The following DNAJC15 variants were observed in gnomAD, a reference collection of about 807,000 sequenced individuals.
The protein encoded by DNAJC15 is dnaJ homolog subfamily C member 15.
Under a neutral mutation model 22.4 loss-of-function variants are expected in DNAJC15, and 27 were observed. The ratio of observed to expected loss-of-function variants is 1.20; its 90% CI spans 0.89 to 1.66. The LOEUF is 1.66. DNAJC15 is among the 40% of genes most tolerant of loss of function. The probability of loss-of-function intolerance (pLI) is 0.00; values close to 1 mark genes in which losing one functional copy is unlikely to be tolerated. For missense variants in DNAJC15, 208 were observed against 187.1 expected (o/e 1.11, Z -0.65); for synonymous variants, 79 against 63.2 (o/e 1.25, Z -1.19).
intron 1 of DNAJC15, among the ~76,000 whole-genome samples, chr13:43,061,955 G>C (rs1324583592): frequency 1.3e-5 from 2 of 152,168 alleles, no homozygotes; most frequent in African/African-American, 4.8e-5. Context: ...ATAGACCCTT[G>C]GGCCAACTTT....
chr13:43,108,730 C>T lies in DNAJC15; in HGVS notation c.*1482C>T, dbSNP rs1028342365. On this transcript the variant is annotated 3_prime_UTR_variant, in exon 6 of 6. Transcript: ENST00000379221. ...AGTCGTTTCTCATCAGTTGTGACAA[C>T]AAAAATGGTTCCAGATATTGCCAAA... 5 of 152,110 alleles carry T rather than the reference C, an allele frequency of 3.3e-5. No individual in the cohort carries two copies. In the East Asian group the frequency reaches 9.6e-4, roughly 29 times the overall value. 9.4% of individuals were successfully genotyped at this position (152,110 alleles called of 1,614,324 possible).
intron 3 of DNAJC15, among the ~76,000 whole-genome samples, chr13:43,074,281 A>G (rs534163550): frequency 2.3e-4 from 35 of 152,332 alleles, no homozygotes; most frequent in African/African-American, 7.5e-4. Context: ...AGGAGACACA[A>G]AATAATCTAA....
intron 2 of DNAJC15, 77 bp from the exon 3 acceptor site, chr13:43,068,853 T>C: frequency 8.5e-7 from 1 of 1,176,942 alleles, no homozygotes; most frequent in Non-Finnish European, 1.2e-6. Flanking sequence ...CAATAAATAC[T>C]GTTGCAAGCA....
chr13:43,086,345 AATT>A (rs2040688376), intron 5 of DNAJC15, among the ~76,000 whole-genome samples: 2 of 152,324 alleles, frequency 1.3e-5, no homozygotes, highest in Admixed American at 1.3e-4. Flanking sequence ...ACAGAAAGAC[AATT>A]ATTATAACTT....
At chr13:43,033,526 A>G (rs2040413436) in intron 1 of DNAJC15, among the ~76,000 whole-genome samples, 1 of 152,184 alleles carries the variant, frequency 6.6e-6, no homozygotes. Flanking sequence ...GATCCCAACC[A>G]GGTACCACAT....
At chr13:43,092,781 G>T (rs1307397971) in intron 5 of DNAJC15, among the ~76,000 whole-genome samples, 1 of 152,136 alleles carries the variant, frequency 6.6e-6, no homozygotes, top group South Asian at 2.1e-4. Context: ...GGACATGGTG[G>T]CACATGCCAG....
chr13:43,045,348 C>T (rs546605500), intron 1 of DNAJC15, among the ~76,000 whole-genome samples: 2 of 152,238 alleles, frequency 1.3e-5, no homozygotes, highest in African/African-American at 4.8e-5. Context: ...TCTCAGACAT[C>T]GAGTTGTAGA....
rs1345656227 is a variant in DNAJC15, at chr13:43,114,068, GA to G, written c.*6824del. 6.6e-6 allele frequency: 1 copy of G among 152,142 alleles called. No homozygotes were observed. The highest frequency in any genetic ancestry group is 1.9e-4 in the East Asian group (1 of 5,200). 9.4% of individuals were successfully genotyped at this position (152,142 alleles called of 1,614,324 possible). The stretch of plus-strand genomic sequence containing the variant: ...AGAGATTTTTTAAAATCCAATATGT[GA>G]AAATACGGATGCACTACAATTAAAT... On this transcript the variant is annotated 3_prime_UTR_variant, in exon 6 of 6. Transcript: ENST00000379221.
At chr13:43,033,074 A>G (rs1418149774) in intron 1 of DNAJC15, among the ~76,000 whole-genome samples, 4 of 152,188 alleles carry the variant, frequency 2.6e-5, no homozygotes, top group Non-Finnish European at 4.4e-5. Flanking sequence ...AGAACTCACT[A>G]TCACAGGAAT....
chr13:43,096,548 CA>C (rs1440555440), intron 5 of DNAJC15, among the ~76,000 whole-genome samples: 2 of 152,090 alleles, frequency 1.3e-5, no homozygotes, highest in Non-Finnish European at 2.9e-5. Context: ...ATTCATTCAA[CA>C]AAATTTACTG....
At chr13:43,059,743 GGGTGCAGGCGGGCTGAGTCC>G (rs961670744) in intron 1 of DNAJC15, among the ~76,000 whole-genome samples, 2 of 152,228 alleles carry the variant, frequency 1.3e-5, no homozygotes, top group Non-Finnish European at 2.9e-5. Context: ...TATTTCACCT[GGGTGCAGGCGGGCTGAGTCC>G]GAAAAGAGAG....
chr13:43,088,298 A>G (rs981742483), intron 5 of DNAJC15, among the ~76,000 whole-genome samples: 2 of 152,228 alleles, frequency 1.3e-5, no homozygotes, highest in Admixed American at 1.3e-4. Flanking sequence ...AATATTTAAA[A>G]AGTACACCTT....
chr13:43,047,380 G>C (rs2040483366), intron 1 of DNAJC15, among the ~76,000 whole-genome samples: 1 of 152,132 alleles, frequency 6.6e-6, no homozygotes, highest in Admixed American at 6.6e-5. Context: ...TTGGGTGAGA[G>C]GTGAGTGAAG....
intron 4 of DNAJC15, among the ~76,000 whole-genome samples, chr13:43,083,942 G>A (rs1208110903): frequency 1.3e-5 from 2 of 152,188 alleles, no homozygotes; most frequent in South Asian, 2.1e-4. Flanking sequence ...ACTATTTTAT[G>A]TGCCTACTCA....
chr13:43,041,055 T>G (rs9594870), intron 1 of DNAJC15, among the ~76,000 whole-genome samples: 7,775 of 152,236 alleles, frequency 0.051, 684 homozygotes, highest in African/African-American at 0.18. Flanking sequence ...CGTTCCTTCC[T>G]CTTTTACTAA....
chr13:43,092,050 A>G (rs1197563345), intron 5 of DNAJC15, among the ~76,000 whole-genome samples: 1 of 152,056 alleles, frequency 6.6e-6, no homozygotes, highest in South Asian at 2.1e-4. Context: ...CATTCTTACT[A>G]TTTCTTGTCT....
In DNAJC15 at chr13:43,107,188, T is replaced by G. The variant is rs761913590; in HGVS notation, c.393T>G (p.Pro131=). ...ILNHPDKGGS[P]YVAAKINEAK... ...TCTTTGTTCTCTCAGGTGGATCTCC[T>G]TACGTAGCAGCCAAAATAAATGAAG... Residue 131 remains proline, a synonymous_variant, in exon 6 of 6, where the codon CCT becomes CCG. Coordinates refer to ENST00000379221, the MANE Select transcript of DNAJC15 (RefSeq NM_013238.3). 1.9e-6 allele frequency: 3 copies of G among 1,588,702 alleles called. No individual in the cohort carries two copies. Among genetic ancestry groups the G allele is most frequent in the Non-Finnish European group, 1.7e-6 (2 of 1,169,384 alleles).
intron 1 of DNAJC15, among the ~76,000 whole-genome samples, chr13:43,056,081 T>C (rs2040529622): frequency 6.6e-6 from 1 of 152,158 alleles, no homozygotes; most frequent in Non-Finnish European, 1.5e-5. Flanking sequence ...TTTTCAGTTT[T>C]ATTCCACTGT....
At chr13:43,086,464 G>C (rs1014610676) in intron 5 of DNAJC15, among the ~76,000 whole-genome samples, 3 of 152,080 alleles carry the variant, frequency 2.0e-5, no homozygotes, top group African/African-American at 4.8e-5. Context: ...GAAGTCAAAG[G>C]GGGGTGGGGG....
Sources: allele counts gnomAD v4.1 joint callset (sites outside exome capture counted in the v4.1 genomes callset), GRCh38; gene constraint gnomAD v4.1.1; transcripts MANE v1.5; gene names NCBI Gene and HGNC (gene_info 2026-07-23, HGNC 2026-07-21).